Variants in CDH7 observed in about 807,000 individuals in gnomAD.
CDH7 encodes cadherin-7.
CDH7 carries 25 observed loss-of-function variants against 71.8 expected under a neutral mutation model. The observed-to-expected ratio is 0.35, with a 90% CI of 0.25 to 0.49. CDH7 has a LOEUF of 0.49. Ranked by LOEUF, CDH7 falls within the 20% of genes least tolerant of loss-of-function variation. The probability of loss-of-function intolerance (pLI) is 0.99; values close to 1 mark genes in which losing one functional copy is unlikely to be tolerated. For missense variants in CDH7, 862 were observed against 974.6 expected (o/e 0.88, Z 1.54); for synonymous variants, 381 against 363.8 (o/e 1.05, Z -0.54).
Position 65,822,178 on chromosome 18 carries a change from A to G in CDH7, c.723A>G (p.Gly241=), listed in dbSNP as rs775867252. ...AGGATATGGTTGGTCAAAATGGAGG[A>G]CTGTCAGGAACTACATCAGTCACTG... The part of the protein sequence containing the change: ...QAKDMVGQNG[G]LSGTTSVTVT... The change falls in exon 5 of 12, where the codon GGA becomes GGG. Residue 241 remains glycine, a synonymous_variant. Transcript: ENST00000397968. The G allele has an allele frequency of 1.2e-5, 19 of 1,613,082 alleles. No homozygotes were observed. The highest frequency in any genetic ancestry group is 1.5e-5 in the Non-Finnish European group (18 of 1,179,224).
At chr18:65,878,853 T>G (rs982532470) in intron 11 of CDH7, among the ~76,000 whole-genome samples, 3 of 152,156 alleles carry the variant, frequency 2.0e-5, no homozygotes, top group Admixed American at 2.0e-4. Flanking sequence ...TATCAGTTTC[T>G]GAACTGTAGG....
chr18:65,873,917 C>T (rs1913998119), intron 11 of CDH7, among the ~76,000 whole-genome samples: 1 of 152,108 alleles, frequency 6.6e-6, no homozygotes, highest in Admixed American at 6.5e-5. Context: ...TAATATTTAA[C>T]TCTTTATTTT....
At chr18:65,828,758 T>G (rs1344852523) in intron 6 of CDH7, among the ~76,000 whole-genome samples, 3 of 152,192 alleles carry the variant, frequency 2.0e-5, no homozygotes, top group African/African-American at 7.2e-5. Flanking sequence ...CATAATTTTC[T>G]TATTCTCAGC....
At chr18:65,818,880 G>T (rs780773434) in intron 4 of CDH7, among the ~76,000 whole-genome samples, 8 of 152,140 alleles carry the variant, frequency 5.3e-5, no homozygotes, top group Non-Finnish European at 1.0e-4. Flanking sequence ...TTTCAACAGT[G>T]CTCTCTTCAT....
chr18:65,844,180 T>G (rs1027632814), intron 7 of CDH7, 115 bp downstream of exon 7: 1 of 255,762 alleles, frequency 3.9e-6, no homozygotes, highest in East Asian at 6.3e-5. Flanking sequence ...ACCAGATATA[T>G]ATATATATCG....
intron 9 of CDH7, among the ~76,000 whole-genome samples, 196 bp from the exon 10 acceptor site, chr18:65,859,512 G>A (rs933346814): frequency 1.3e-5 from 2 of 152,176 alleles, no homozygotes; most frequent in African/African-American, 4.8e-5. Context: ...ATTCAAACAT[G>A]AACTAAGAAA....
intron 1 of CDH7, among the ~76,000 whole-genome samples, chr18:65,761,770 A>G (rs139076817): frequency 2.4e-3 from 360 of 152,316 alleles, no homozygotes; most frequent in African/African-American, 8.2e-3. Context: ...ACTGAAATAA[A>G]TAGACATTAG....
chr18:65,884,130 A>C lies in CDH7; in HGVS notation c.*3236A>C, dbSNP rs1267407510. 6.6e-6 allele frequency: 1 copy of C among 152,146 alleles called. No individual in the cohort carries two copies. The highest frequency in any genetic ancestry group is 1.5e-5 in the Non-Finnish European group (1 of 68,006). 9.4% of individuals were successfully genotyped at this position (152,146 alleles called of 1,614,324 possible). ...GAAATACACCCAAGCCCTTAATCTG[A>C]ATTGTCACCATTGCATTATTAAAAA... On this transcript the variant is annotated 3_prime_UTR_variant, in exon 12 of 12. Transcript: ENST00000397968.
intron 4 of CDH7, among the ~76,000 whole-genome samples, chr18:65,820,423 A>G (rs1419514692): frequency 6.6e-6 from 1 of 152,110 alleles, no homozygotes; most frequent in Non-Finnish European, 1.5e-5. Context: ...GTGTGTGTGT[A>G]TTTATATACA....
intron 7 of CDH7, among the ~76,000 whole-genome samples, chr18:65,854,563 C>T (rs1161060822): frequency 6.6e-6 from 1 of 151,994 alleles, no homozygotes; most frequent in Non-Finnish European, 1.5e-5. Flanking sequence ...ATAATAGAAG[C>T]AAGTGTTTTA....
chr18:65,868,468 T>G (rs971155321), intron 11 of CDH7, among the ~76,000 whole-genome samples: 5 of 152,180 alleles, frequency 3.3e-5, no homozygotes. Flanking sequence ...TATAAGGTAT[T>G]TTTCCATATA....
chr18:65,830,725 C>CTCTTTCTTTCTTTCTT (rs10681636), intron 6 of CDH7, among the ~76,000 whole-genome samples: 3 of 130,654 alleles, frequency 2.3e-5, no homozygotes, highest in African/African-American at 8.8e-5. Flanking sequence ...TTCTCTCTCT[C>CTCTTTCTTTCTTTCTT]TCTTTCTTTC....
At chr18:65,794,180 T>TTA (rs58234830) in intron 2 of CDH7, among the ~76,000 whole-genome samples, 2 of 151,840 alleles carry the variant, frequency 1.3e-5, no homozygotes, top group African/African-American at 4.8e-5. Flanking sequence ...AGTTTTTTTT[T>TTA]CTTTTGTGGT....
At chr18:65,772,953 A>G (rs945030179) in intron 2 of CDH7, among the ~76,000 whole-genome samples, 2 of 152,132 alleles carry the variant, frequency 1.3e-5, no homozygotes, top group African/African-American at 4.8e-5. Context: ...TAATATATGT[A>G]TATTTTTCTC....
intron 4 of CDH7, 90 bp downstream of exon 4, chr18:65,814,694 A>G: frequency 8.8e-7 from 1 of 1,131,878 alleles, no homozygotes; most frequent in South Asian, 1.7e-5. Flanking sequence ...GACACTAATA[A>G]CATACCATTT....
At position 65,882,348 on chromosome 18, in the gene CDH7, A is replaced by G. The variant is rs1464841371; in HGVS notation, c.*1454A>G. On this transcript the variant is annotated 3_prime_UTR_variant, in exon 12 of 12. Transcript: ENST00000397968. ...ATTAATACTAGTTTAATGTGCATATACATTCAAGTAAGAATGGATTTATTT... is the reference window on the plus strand; with the variant it reads ...ATTAATACTAGTTTAATGTGCATATGCATTCAAGTAAGAATGGATTTATTT... The G allele has an allele frequency of 6.6e-6, 1 of 152,138 alleles. No homozygotes were observed. The highest frequency in any genetic ancestry group is 1.5e-5 in the Non-Finnish European group (1 of 67,986). 9.4% of individuals were successfully genotyped at this position (152,138 alleles called of 1,614,324 possible). A position where few individuals can be genotyped will look rare whatever the true frequency, so the allele number is the denominator to read the frequency against.
rs1279617611 is a variant in CDH7, at chr18:65,888,192, A to G, written c.*7298A>G. ...ATTGGAGATGTTTAAAACAAATATA[A>G]GAAAGAGTACTGTTTCAGAACTAAC... On this transcript the variant is annotated 3_prime_UTR_variant, in exon 12 of 12. Transcript: ENST00000397968. 1 of 152,210 alleles carries G rather than the reference A, an allele frequency of 6.6e-6. No homozygotes were observed. Among genetic ancestry groups the G allele is most frequent in the Admixed American group, 6.5e-5 (1 of 15,276 alleles). The allele number at this position is 152,210 out of a possible 1,614,324, so 9.4% of individuals were successfully genotyped here. A position where few individuals can be genotyped will look rare whatever the true frequency, so the allele number is the denominator to read the frequency against.
intron 2 of CDH7, among the ~76,000 whole-genome samples, chr18:65,805,360 C>A (rs116603859): frequency 6.6e-6 from 1 of 152,116 alleles, no homozygotes; most frequent in African/African-American, 2.4e-5. Context: ...AGAACTAGTC[C>A]AGCATGCTTG....
intron 4 of CDH7, 73 bp from the exon 5 acceptor site, chr18:65,822,004 CTACT>C (rs1187951362): frequency 8.9e-7 from 1 of 1,124,414 alleles, no homozygotes; most frequent in African/African-American, 1.5e-5. Context: ...GAGGGACTTA[CTACT>C]TGTATCAGTA....
Sources: gnomAD v4.1 joint callset for allele counts (sites outside exome capture counted in the v4.1 genomes callset) on GRCh38, gnomAD v4.1.1 for gene constraint, MANE v1.5 for transcripts, NCBI Gene and HGNC (gene_info 2026-07-23, HGNC 2026-07-21) for gene names.